The following TTC39C variants were observed in gnomAD, a reference collection of about 807,000 sequenced individuals.
The protein encoded by TTC39C is tetratricopeptide repeat protein 39C.
Under a neutral mutation model 76.3 loss-of-function variants are expected in TTC39C, and 33 were observed. The ratio of observed to expected loss-of-function variants is 0.43; its 90% CI spans 0.33 to 0.58. The LOEUF (loss-of-function observed/expected upper bound fraction) is 0.58, where lower values mean the gene tolerates loss of function less well. Ranked by LOEUF, TTC39C falls within the 20% of genes least tolerant of loss-of-function variation. The pLI, the probability that TTC39C is intolerant of heterozygous loss-of-function variation, is 0.04. For synonymous variants in TTC39C, 254 were observed against 260.6 expected (o/e 0.97, Z 0.24); for missense variants, 595 against 701.4 (o/e 0.85, Z 1.71).
chr18:24,059,815 A>G (rs2084068989), intron 1 of TTC39C, among the ~76,000 whole-genome samples: 2 of 152,330 alleles, frequency 1.3e-5, no homozygotes, highest in South Asian at 2.1e-4. Flanking sequence ...GGTAATTTAT[A>G]AAGGAAAGAG....
chr18:23,995,021 A>G (rs1313961492), intron 1 of TTC39C, among the ~76,000 whole-genome samples: 1 of 152,118 alleles, frequency 6.6e-6, no homozygotes, highest in Non-Finnish European at 1.5e-5. Context: ...TCACGTGTGT[A>G]GGTTTGTCTA....
intron 6 of TTC39C, chr18:24,113,722 G>T: frequency 1.4e-6 from 1 of 701,638 alleles, no homozygotes; most frequent in South Asian, 1.5e-5. Context: ...TTTGAATCCT[G>T]ATCATGCTTT....
intron 1 of TTC39C, among the ~76,000 whole-genome samples, chr18:24,019,174 C>T (rs8089445): frequency 0.069 from 10,544 of 152,210 alleles, 715 homozygotes; most frequent in Admixed American, 0.17. Flanking sequence ...AAATGAGCTT[C>T]GCAGTTCTTA....
At chr18:23,998,638 T>C (rs1344273565) in intron 1 of TTC39C, among the ~76,000 whole-genome samples, 1 of 152,000 alleles carries the variant, frequency 6.6e-6, no homozygotes, top group East Asian at 1.9e-4. Context: ...TAATACAAAT[T>C]AGAAAAATTA....
chr18:24,088,636 G>C (rs1188202921), intron 6 of TTC39C, among the ~76,000 whole-genome samples: 1 of 152,214 alleles, frequency 6.6e-6, no homozygotes, highest in Admixed American at 6.5e-5. Context: ...CCACCACTCT[G>C]TTGTGTCCTC....
At chr18:24,023,016 A>T (rs112888412) in intron 1 of TTC39C, among the ~76,000 whole-genome samples, 1 of 152,188 alleles carries the variant, frequency 6.6e-6, no homozygotes, top group African/African-American at 2.4e-5. Flanking sequence ...AGAGTTGGGT[A>T]ATACCTGGAC....
At chr18:23,997,067 C>T (rs2083267400) in intron 1 of TTC39C, among the ~76,000 whole-genome samples, 1 of 151,974 alleles carries the variant, frequency 6.6e-6, no homozygotes, top group Non-Finnish European at 1.5e-5. Flanking sequence ...CGAGATCGCA[C>T]CACTGCACTC....
chr18:24,135,395 A>T lies in TTC39C; in HGVS notation c.*2821A>T, dbSNP rs562998134. 1 of 152,726 alleles carries T rather than the reference A, an allele frequency of 6.5e-6. No homozygotes were observed. The highest frequency in any genetic ancestry group is 2.4e-5 in the African/African-American group (1 of 41,510). 9.5% of individuals were successfully genotyped at this position (152,726 alleles called of 1,614,324 possible). On this transcript the variant is annotated 3_prime_UTR_variant, in exon 14 of 14. Coordinates refer to ENST00000317571, the MANE Select transcript of TTC39C (RefSeq NM_001135993.2). ...GTGGTAGACCATGGAGAATGGGTAGATGGAGCTTCTAGACTCCAAAACAAC... is the reference window on the plus strand; with the variant it reads ...GTGGTAGACCATGGAGAATGGGTAGTTGGAGCTTCTAGACTCCAAAACAAC...
At chr18:24,017,227 C>A (rs562167856) in intron 1 of TTC39C, among the ~76,000 whole-genome samples, 1 of 152,142 alleles carries the variant, frequency 6.6e-6, no homozygotes, top group Non-Finnish European at 1.5e-5. Flanking sequence ...GTTCTTCCCC[C>A]CTCCCAAAAG....
At chr18:24,023,083 GTT>G in intron 1 of TTC39C, among the ~76,000 whole-genome samples, 1 of 152,290 alleles carries the variant, frequency 6.6e-6, no homozygotes, top group South Asian at 2.1e-4. Context: ...TGGGGTCCAA[GTT>G]GTTAAAGGCA....
intron 6 of TTC39C, among the ~76,000 whole-genome samples, chr18:24,103,523 C>T (rs1192753979): frequency 6.6e-6 from 1 of 152,206 alleles, no homozygotes; most frequent in Non-Finnish European, 1.5e-5. Flanking sequence ...CTTGGGAACT[C>T]ACTGAACTCC....
intron 6 of TTC39C, among the ~76,000 whole-genome samples, chr18:24,087,227 A>T (rs2084451633): frequency 6.6e-6 from 1 of 152,240 alleles, no homozygotes; most frequent in Non-Finnish European, 1.5e-5. Flanking sequence ...ATTAAGATAC[A>T]AGCAATTAAT....
chr18:24,107,897 G>GC (rs1555776826), intron 6 of TTC39C, among the ~76,000 whole-genome samples: 1 of 142,178 alleles, frequency 7.0e-6, no homozygotes, highest in Non-Finnish European at 1.6e-5. Context: ...TAGGGGGGGG[G>GC]GTACAGGCAT....
At chr18:23,998,843 T>C (rs1426007739) in intron 1 of TTC39C, among the ~76,000 whole-genome samples, 2 of 145,258 alleles carry the variant, frequency 1.4e-5, no homozygotes, top group African/African-American at 5.1e-5. Flanking sequence ...AGTGGTAAAC[T>C]ACTAAACAGT....
chr18:24,021,509 G>A (rs2083517165), intron 1 of TTC39C, among the ~76,000 whole-genome samples: 1 of 150,402 alleles, frequency 6.6e-6, no homozygotes, highest in Non-Finnish European at 1.5e-5. Flanking sequence ...TTTGATGATT[G>A]AGCTGGGGTT....
chr18:24,117,351 G>A (rs1032191600), intron 7 of TTC39C, among the ~76,000 whole-genome samples: 1 of 152,158 alleles, frequency 6.6e-6, no homozygotes, highest in Non-Finnish European at 1.5e-5. Flanking sequence ...TGTGCTGAGG[G>A]AAGGTAGGGA....
At chr18:24,096,006 C>G (rs759243531) in intron 6 of TTC39C, among the ~76,000 whole-genome samples, 3 of 152,186 alleles carry the variant, frequency 2.0e-5, no homozygotes, top group Non-Finnish European at 4.4e-5. Context: ...CAACATTTAT[C>G]AACTAAGTTT....
At chr18:24,059,219 A>T (rs896997518) in intron 1 of TTC39C, among the ~76,000 whole-genome samples, 3 of 152,158 alleles carry the variant, frequency 2.0e-5, no homozygotes, top group Non-Finnish European at 4.4e-5. Context: ...TTAATTTTTT[A>T]AAAAACTTTT....
chr18:24,069,364 G>T (rs2084208567), intron 4 of TTC39C, 93 bp downstream of exon 4: 3 of 1,040,192 alleles, frequency 2.9e-6, no homozygotes, highest in Non-Finnish European at 2.9e-6. Flanking sequence ...TTCAGTCTTT[G>T]AACACATGTG....
Sources: allele counts gnomAD v4.1 joint callset (sites outside exome capture counted in the v4.1 genomes callset), GRCh38; gene constraint gnomAD v4.1.1; transcripts MANE v1.5; gene names NCBI Gene and HGNC (gene_info 2026-07-23, HGNC 2026-07-21).